The following MEGF9 variants were observed in gnomAD, a reference collection of about 807,000 sequenced individuals.
The protein encoded by MEGF9 is multiple EGF like domains 9.
In MEGF9, 6 loss-of-function variants were observed where a neutral mutation model predicts 46.8. That is an observed-to-expected ratio of 0.13 (90% CI 0.07 to 0.25). The LOEUF (loss-of-function observed/expected upper bound fraction) is 0.25. Ranked by LOEUF, MEGF9 falls within the 10% of genes least tolerant of loss-of-function variation. MEGF9 has a pLI of 1.00. For synonymous variants in MEGF9, 302 were observed against 330.7 expected (o/e 0.91, Z 0.94); for missense variants, 683 against 792.4 (o/e 0.86, Z 1.66).
chr9:120,646,431 A>G (rs1267647187), intron 2 of MEGF9, among the ~76,000 whole-genome samples: 1 of 152,100 alleles, frequency 6.6e-6, no homozygotes, highest in African/African-American at 2.4e-5. Context: ...CTTCCACTTG[A>G]CATCTTCAGT....
At chr9:120,649,644 T>C (rs963246729) in intron 2 of MEGF9, among the ~76,000 whole-genome samples, 1 of 152,240 alleles carries the variant, frequency 6.6e-6, no homozygotes, top group Admixed American at 6.5e-5. Context: ...TTCTTACATA[T>C]ATGTATAGTT....
chr9:120,706,072 C>T (rs2132345916), intron 1 of MEGF9, among the ~76,000 whole-genome samples: 1 of 152,260 alleles, frequency 6.6e-6, no homozygotes, highest in East Asian at 1.9e-4. Flanking sequence ...AGAATTCTCT[C>T]CACCCATAAT....
At chr9:120,709,035 G>A (rs558796710) in intron 1 of MEGF9, among the ~76,000 whole-genome samples, 1 of 152,312 alleles carries the variant, frequency 6.6e-6, no homozygotes, top group Non-Finnish European at 1.5e-5. Flanking sequence ...CAGAAGGAAT[G>A]AGGCAACTGC....
intron 2 of MEGF9, among the ~76,000 whole-genome samples, chr9:120,641,539 A>G (rs1587981798): frequency 6.6e-6 from 1 of 152,206 alleles, no homozygotes; most frequent in Non-Finnish European, 1.5e-5. Flanking sequence ...TTTGAGGACA[A>G]CACACTCAGA....
chr9:120,622,875 A>C, intron 2 of MEGF9, 120 bp from the exon 3 acceptor site: 435 of 936,946 alleles, frequency 4.6e-4, no homozygotes, highest in Non-Finnish European at 5.6e-4. Flanking sequence ...ACCATATCTC[A>C]AAGCCTTGTG....
At position 120,600,964 on chromosome 9, in the gene MEGF9, AAC is replaced by A. The variant is rs1322592328; in HGVS notation, c.*4224_*4225del. On this transcript the variant is annotated 3_prime_UTR_variant, in exon 6 of 6. Coordinates refer to ENST00000373930, the MANE Select transcript of MEGF9 (RefSeq NM_001080497.3). ...ACATTTATTTTTAATAATTTTAAAT[AAC>A]ACTCTTGTATAAATTCTTTCATATA... 1.3e-5 allele frequency: 2 copies of A among 152,688 alleles called. No homozygotes were observed. The highest frequency in any genetic ancestry group is 4.8e-5 in the African/African-American group (2 of 41,468). 9.5% of individuals were successfully genotyped at this position (152,688 alleles called of 1,614,324 possible). A position where few individuals can be genotyped will look rare whatever the true frequency, so the allele number is the denominator to read the frequency against.
intron 1 of MEGF9, among the ~76,000 whole-genome samples, chr9:120,697,597 G>A (rs557544362): frequency 2.0e-5 from 3 of 152,048 alleles, no homozygotes; most frequent in Non-Finnish European, 2.9e-5. Flanking sequence ...TGTTAGCACC[G>A]ATCCTCTTTG....
chr9:120,668,423 G>C lies in MEGF9; in HGVS notation c.602-8848C>G, dbSNP rs184277138. Among the ~76,000 whole-genome samples, 297 of 152,276 alleles carry C rather than the reference G, an allele frequency of 2.0e-3. 2 individuals are homozygous for C. Among genetic ancestry groups the C allele is most frequent in the Admixed American group, 3.0e-3 (46 of 15,292 alleles). On this transcript the variant is annotated intron_variant, in intron 1 of 5. Coordinates refer to ENST00000373930, the MANE Select transcript of MEGF9 (RefSeq NM_001080497.3). ...TTAAGTTTTGTTTGAAAATAAAAAT[G>C]TATCAATTAAAATTCCCAGTCACAA... is the stretch of plus-strand genomic sequence containing the variant.
intron 2 of MEGF9, among the ~76,000 whole-genome samples, chr9:120,653,376 T>TA (rs1369217385): frequency 2.7e-5 from 4 of 146,648 alleles, no homozygotes; most frequent in African/African-American, 1.0e-4. Flanking sequence ...TTTATTTTAT[T>TA]TATTTTTTTT....
intron 1 of MEGF9, among the ~76,000 whole-genome samples, chr9:120,690,740 C>A (rs1282382498): frequency 1.3e-5 from 2 of 152,110 alleles, no homozygotes; most frequent in African/African-American, 4.8e-5. Flanking sequence ...TGACCCTCTG[C>A]TGGAGACCAA....
intron 4 of MEGF9, among the ~76,000 whole-genome samples, chr9:120,610,787 G>A (rs2043441334): frequency 6.6e-6 from 1 of 152,050 alleles, no homozygotes; most frequent in African/African-American, 2.4e-5. Context: ...TTTGAATTGG[G>A]CCTTGCTAAG....
intron 2 of MEGF9, among the ~76,000 whole-genome samples, chr9:120,628,067 A>G (rs1489063705): frequency 6.6e-6 from 1 of 152,220 alleles, no homozygotes; most frequent in Non-Finnish European, 1.5e-5. Flanking sequence ...AACTCGCTCA[A>G]TATATTAAAA....
intron 1 of MEGF9, among the ~76,000 whole-genome samples, chr9:120,662,637 C>G (rs1242887919): frequency 6.6e-6 from 1 of 152,236 alleles, no homozygotes; most frequent in Non-Finnish European, 1.5e-5. Context: ...CTATACCACT[C>G]AGTCCCAATA....
chr9:120,643,567 C>T (rs539905597), intron 2 of MEGF9, among the ~76,000 whole-genome samples: 30 of 152,276 alleles, frequency 2.0e-4, no homozygotes, highest in Middle Eastern at 3.4e-3. Context: ...ACTGTCTATA[C>T]TCCCTTGAAT....
In MEGF9 at chr9:120,714,002, C is replaced by T; in HGVS notation, c.357G>A (p.Pro119=). ...AGPSSTTFQA[P]LGPSPTTPPA... ...GAGGGGTGGTCGGCGAGGGGCCGAGCGGCGCCTGAAAGGTGGTGGAAGAGG... is the reference window on the plus strand; with the variant it reads ...GAGGGGTGGTCGGCGAGGGGCCGAGTGGCGCCTGAAAGGTGGTGGAAGAGG... The change falls in exon 1 of 6, where the codon CCG becomes CCA. Residue 119 remains proline (P), a synonymous_variant. Transcript: ENST00000373930. The T allele has an allele frequency of 2.2e-6, 3 of 1,379,418 alleles. No individual in the cohort carries two copies. Among genetic ancestry groups the T allele is most frequent in the South Asian group, 1.8e-5 (1 of 56,852 alleles). The allele number at this position is 1,379,418 out of a possible 1,614,324, so 85.4% of individuals were successfully genotyped here.
At chr9:120,650,854 C>T (rs1371574421) in intron 2 of MEGF9, among the ~76,000 whole-genome samples, 1 of 151,776 alleles carries the variant, frequency 6.6e-6, no homozygotes, top group African/African-American at 2.4e-5. Context: ...CTTCTCATCT[C>T]TCTGCCACTC....
chr9:120,650,296 G>A (rs562026996), intron 2 of MEGF9, among the ~76,000 whole-genome samples: 44 of 152,192 alleles, frequency 2.9e-4, no homozygotes, highest in Admixed American at 3.9e-4. Context: ...TGAGATTCAC[G>A]CATTCACTAA....
intron 1 of MEGF9, among the ~76,000 whole-genome samples, chr9:120,711,873 C>CACACACACACACACACACACA (rs2043955555): frequency 1.3e-5 from 1 of 78,366 alleles, no homozygotes; most frequent in African/African-American, 4.8e-5. Context: ...ACACACACAC[C>CACACACACACACACACACACA]CACAGGCCTG....
intron 1 of MEGF9, among the ~76,000 whole-genome samples, chr9:120,708,584 A>C (rs1421328128): frequency 6.6e-6 from 1 of 152,232 alleles, no homozygotes; most frequent in Non-Finnish European, 1.5e-5. Flanking sequence ...AGAACTTTAG[A>C]GCTGAAAGAG....
Sources: gnomAD v4.1 joint callset for allele counts (sites outside exome capture counted in the v4.1 genomes callset) on GRCh38, gnomAD v4.1.1 for gene constraint, MANE v1.5 for transcripts, NCBI Gene and HGNC (gene_info 2026-07-23, HGNC 2026-07-21) for gene names.